MYO9A: variants seen among roughly 807,000 people sequenced by gnomAD.
The protein encoded by MYO9A is myosin IXA.
Under a neutral mutation model 293.3 loss-of-function variants are expected in MYO9A, and 103 were observed. The observed-to-expected ratio is 0.35, with a 90% CI of 0.30 to 0.41. MYO9A has a LOEUF of 0.41. Among genes scored for constraint, MYO9A ranks in the 10% least tolerant of loss-of-function variants. MYO9A has a pLI of 1.00. For synonymous variants in MYO9A, 1,001 were observed against 1,035.7 expected (o/e 0.97, Z 0.64); for missense variants, 2,685 against 3,033.0 (o/e 0.89, Z 2.69).
chr15:71,906,011 G>T lies in MYO9A; in HGVS notation c.2686-1005C>A, dbSNP rs553621359. On this transcript the variant is annotated intron_variant, in intron 19 of 41. Coordinates refer to ENST00000356056, the MANE Select transcript of MYO9A (RefSeq NM_006901.4). Reference sequence around the variant, plus strand: ...CATTTAGTGCTATAAATTAACCTTGGAGCACTGCTTTAGCTGCATTGCACA... The same window carrying T: ...CATTTAGTGCTATAAATTAACCTTGTAGCACTGCTTTAGCTGCATTGCACA... 3.3e-4 allele frequency among the ~76,000 whole-genome samples: 50 copies of T among 151,698 alleles called. No individual in the cohort carries two copies. The South Asian group carries it at 0.01, about 31-fold the overall frequency.
At chr15:72,101,403 C>A (rs2080312277) in intron 1 of MYO9A, among the ~76,000 whole-genome samples, 1 of 144,186 alleles carries the variant, frequency 6.9e-6, no homozygotes, top group South Asian at 2.2e-4. Flanking sequence ...TCTGCCTGGC[C>A]GCCCCTACTG....
chr15:71,991,058 A>T (rs1219277347), intron 11 of MYO9A, 45 bp downstream of exon 11: 1 of 1,440,272 alleles, frequency 6.9e-7, no homozygotes, highest in Non-Finnish European at 9.2e-7. Context: ...TGACTCAAAG[A>T]TATGTGTGAT....
chr15:71,903,838 T>C (rs2143769116), intron 21 of MYO9A, 91 bp downstream of exon 21: 1 of 1,113,300 alleles, frequency 9.0e-7, no homozygotes, highest in East Asian at 2.5e-5. Context: ...TTAAGGAAAA[T>C]AAGTAAGCCC....
At chr15:71,976,567 A>G (rs2076152399) in intron 12 of MYO9A, among the ~76,000 whole-genome samples, 1 of 152,236 alleles carries the variant, frequency 6.6e-6, no homozygotes, top group South Asian at 2.1e-4. Flanking sequence ...GGTTCTCAAC[A>G]CGGAATATCA....
At chr15:71,950,886 C>T (rs1171652775) in intron 15 of MYO9A, among the ~76,000 whole-genome samples, 1 of 152,130 alleles carries the variant, frequency 6.6e-6, no homozygotes, top group South Asian at 2.1e-4. Flanking sequence ...GTCCATTATA[C>T]GCAAATTGCT....
chr15:72,005,227 T>C (rs2076982095), intron 8 of MYO9A, among the ~76,000 whole-genome samples: 2 of 152,202 alleles, frequency 1.3e-5, no homozygotes, highest in Non-Finnish European at 2.9e-5. Context: ...AAAAGTAAGA[T>C]TTTCTGTCAA....
At chr15:72,032,394 C>T (rs1379098346) in intron 3 of MYO9A, 100 bp downstream of exon 3, 2 of 701,206 alleles carry the variant, frequency 2.9e-6, no homozygotes, top group African/African-American at 1.9e-5. Context: ...TTAATGCTGA[C>T]ACCAATGTCT....
At position 71,994,577 on chromosome 15, in the gene MYO9A, T is replaced by C. The variant is rs1230465928; in HGVS notation, c.1479A>G (p.Thr493=). ...GAGACTTAGCCATGGAGTTCCTCAC[T>C]GTCACAGCCTGAAAAACAAAAGCAT... is the stretch of plus-strand genomic sequence containing the variant. ...ILPYKLAEAV[T]VRNSMAKSLY... The change falls in exon 10 of 42, where the codon ACA becomes ACG. Residue 493 remains threonine (T), a synonymous_variant. Coordinates refer to ENST00000356056, the MANE Select transcript of MYO9A (RefSeq NM_006901.4). 3 of 1,587,232 alleles carry C rather than the reference T, an allele frequency of 1.9e-6. No individual in the cohort carries two copies. Among genetic ancestry groups the C allele is most frequent in the African/African-American group, 1.4e-5 (1 of 73,528 alleles).
At chr15:71,962,216 A>C (rs979345126) in intron 13 of MYO9A, among the ~76,000 whole-genome samples, 3 of 152,216 alleles carry the variant, frequency 2.0e-5, no homozygotes, top group Non-Finnish European at 4.4e-5. Flanking sequence ...CATTGACTAT[A>C]ATCTTACCAA....
chr15:71,939,669 T>C (rs1214358325), intron 15 of MYO9A, among the ~76,000 whole-genome samples: 1 of 152,222 alleles, frequency 6.6e-6, no homozygotes, highest in Admixed American at 6.5e-5. Context: ...ACGATGAATA[T>C]AAAAGAAATT....
At chr15:71,859,931 TG>T in intron 33 of MYO9A, 135 bp from the exon 34 acceptor site, 1 of 623,812 alleles carries the variant, frequency 1.6e-6, no homozygotes, top group African/African-American at 1.8e-5. Flanking sequence ...ATACATACTT[TG>T]TACAATGGTG....
intron 1 of MYO9A, among the ~76,000 whole-genome samples, chr15:72,100,841 C>A (rs1203184788): frequency 2.0e-5 from 3 of 150,980 alleles, no homozygotes; most frequent in South Asian, 2.1e-4. Context: ...CGTCTCCGCC[C>A]GGCCAGCCGC....
intron 6 of MYO9A, among the ~76,000 whole-genome samples, chr15:72,013,725 A>G (rs1289123662): frequency 2.0e-5 from 3 of 152,226 alleles, no homozygotes; most frequent in African/African-American, 7.2e-5. Flanking sequence ...GAGGGAGAGA[A>G]AGAGAAGAGT....
intron 39 of MYO9A, among the ~76,000 whole-genome samples, chr15:71,844,163 C>T (rs559940200): frequency 6.6e-6 from 1 of 152,310 alleles, no homozygotes; most frequent in Admixed American, 6.5e-5. Flanking sequence ...GCTCACATGT[C>T]ACTTCTACAG....
chr15:71,992,504 G>C (rs1026157681), intron 10 of MYO9A, among the ~76,000 whole-genome samples: 6 of 151,770 alleles, frequency 4.0e-5, no homozygotes, highest in African/African-American at 7.3e-5. Flanking sequence ...GCTAAGTCTA[G>C]GCCCTTAAAA....
intron 19 of MYO9A, among the ~76,000 whole-genome samples, chr15:71,910,163 TAC>T (rs1202316510): frequency 7.9e-5 from 2 of 25,306 alleles, no homozygotes; most frequent in East Asian, 5.2e-4. Flanking sequence ...TATATATATA[TAC>T]GTGTATATAT....
chr15:72,019,859 C>T (rs949018683), intron 5 of MYO9A, among the ~76,000 whole-genome samples: 6 of 152,128 alleles, frequency 3.9e-5, no homozygotes, highest in East Asian at 3.8e-4. Context: ...AAGCGATTCT[C>T]GTGCCTCGGC....
At chr15:72,015,261 C>T (rs1419627540) in intron 6 of MYO9A, among the ~76,000 whole-genome samples, 1 of 152,022 alleles carries the variant, frequency 6.6e-6, no homozygotes, top group Non-Finnish European at 1.5e-5. Context: ...TGTTTAAGGG[C>T]GTGACCACAA....
chr15:72,096,052 T>C (rs1417662471), intron 1 of MYO9A, among the ~76,000 whole-genome samples: 6 of 151,944 alleles, frequency 3.9e-5, no homozygotes, highest in South Asian at 2.1e-4. Flanking sequence ...TCCCAGCTAC[T>C]TGAGAGGCTA....
Sources: gnomAD v4.1 joint callset for allele counts (sites outside exome capture counted in the v4.1 genomes callset) on GRCh38, gnomAD v4.1.1 for gene constraint, MANE v1.5 for transcripts, NCBI Gene and HGNC (gene_info 2026-07-23, HGNC 2026-07-21) for gene names.